The following GRIA2 variants were observed in gnomAD, a reference collection of about 807,000 sequenced individuals.
GRIA2 encodes the protein glutamate ionotropic receptor AMPA type subunit 2.
In GRIA2, 14 loss-of-function variants were observed where a neutral mutation model predicts 97.3. That is an observed-to-expected ratio of 0.14 (90% confidence interval 0.10 to 0.23). The LOEUF is 0.23. Ranked by LOEUF, GRIA2 falls within the 10% of genes least tolerant of loss-of-function variation. GRIA2 has a pLI of 1.00. For synonymous variants in GRIA2, 412 were observed against 387.8 expected (o/e 1.06, Z -0.73); for missense variants, 558 against 1,069.8 (o/e 0.52, Z 6.67).
intron 2 of GRIA2, among the ~76,000 whole-genome samples, chr4:157,294,779 G>A (rs1384728719): frequency 3.9e-5 from 6 of 152,136 alleles, no homozygotes; most frequent in Non-Finnish European, 8.8e-5. Flanking sequence ...TGGTGTCACA[G>A]CAAGGATTAG....
chr4:157,285,325 G>A (rs1302097490), intron 2 of GRIA2, among the ~76,000 whole-genome samples: 1 of 150,874 alleles, frequency 6.6e-6, no homozygotes, highest in East Asian at 1.9e-4. Context: ...CACTTATATT[G>A]GATACAGATA....
intron 2 of GRIA2, among the ~76,000 whole-genome samples, chr4:157,244,701 T>A (rs1243590061): frequency 6.6e-6 from 1 of 152,078 alleles, no homozygotes; most frequent in African/African-American, 2.4e-5. Flanking sequence ...GTTTGTCTCT[T>A]ACTTAGCACT....
intron 2 of GRIA2, among the ~76,000 whole-genome samples, chr4:157,241,905 C>G (rs1579297759): frequency 6.6e-6 from 1 of 152,122 alleles, no homozygotes; most frequent in Non-Finnish European, 1.5e-5. Flanking sequence ...ATGAGCAGAA[C>G]AACTTAGGCA....
Position 157,341,384 on chromosome 4 carries a change from A to G in GRIA2, c.1965A>G (p.Glu655=). The G allele has an allele frequency of 3.7e-6, 6 of 1,612,762 alleles. No individual in the cohort carries two copies. The highest frequency in any genetic ancestry group is 5.1e-6 in the Non-Finnish European group (6 of 1,178,918). ...TAGAGAGGATGGTGTCTCCCATCGAAAGTGCTGAGGATCTTTCTAAGCAAA... is the reference window on the plus strand; with the variant it reads ...TAGAGAGGATGGTGTCTCCCATCGAGAGTGCTGAGGATCTTTCTAAGCAAA... ...LTVERMVSPI[E]SAEDLSKQTE... The change falls in exon 12 of 16, where the codon GAA becomes GAG. Residue 655 remains glutamate (E), a synonymous_variant. Coordinates refer to ENST00000264426, the MANE Select transcript of GRIA2 (RefSeq NM_001083619.3).
chr4:157,295,239 G>C (rs1733291114), intron 2 of GRIA2, among the ~76,000 whole-genome samples: 1 of 152,060 alleles, frequency 6.6e-6, no homozygotes, highest in Admixed American at 6.6e-5. Context: ...ATTTGTTAGA[G>C]AGAAAGAAAA....
intron 2 of GRIA2, among the ~76,000 whole-genome samples, chr4:157,263,446 A>T (rs565066798): frequency 6.6e-6 from 1 of 152,208 alleles, no homozygotes; most frequent in Non-Finnish European, 1.5e-5. Context: ...ATACCAAAAA[A>T]TCCACCTAAA....
intron 14 of GRIA2, chr4:157,362,499 C>T: frequency 1.9e-6 from 1 of 514,056 alleles, no homozygotes; most frequent in Non-Finnish European, 3.8e-6. Context: ...TGGAATATAA[C>T]TATTTATCAA....
Position 157,221,098 on chromosome 4 carries a change from T to C in GRIA2, c.56T>C (p.Ile19Thr). ...VLLSPVLWGL[I>T]FGVSSNSIQI... ...CTTTCTCCTGTTTTATGGGGACTGA[T>C]TTTTGGTGTCTCTTCTAACAGCATA... is the stretch of plus-strand genomic sequence containing the variant. The change falls in exon 1 of 16, where the codon ATT becomes ACT. Residue 19 changes from isoleucine (I) to threonine (T), a missense_variant. Around this residue, in one of 8 missense-constraint regions of GRIA2, gnomAD observed 96 missense variants for 176.6 expected, o/e 0.54. Coordinates refer to ENST00000264426, the MANE Select transcript of GRIA2 (RefSeq NM_001083619.3). 1.3e-6 allele frequency: 2 copies of C among 1,584,838 alleles called. No homozygotes were observed.
chr4:157,285,577 G>A (rs1732801721), intron 2 of GRIA2, among the ~76,000 whole-genome samples: 1 of 151,254 alleles, frequency 6.6e-6, no homozygotes. Context: ...GTGTGTGTGT[G>A]TGTGTGTAAG....
intron 4 of GRIA2, among the ~76,000 whole-genome samples, chr4:157,315,743 G>C (rs765034516): frequency 6.6e-6 from 1 of 152,008 alleles, no homozygotes; most frequent in Non-Finnish European, 1.5e-5. Context: ...GTATCACCAT[G>C]TTGGCCAGGA....
chr4:157,305,023 C>T (rs1313388378), intron 3 of GRIA2, among the ~76,000 whole-genome samples: 3 of 152,030 alleles, frequency 2.0e-5, no homozygotes, highest in African/African-American at 4.8e-5. Context: ...TTTGCTATTC[C>T]CATAGGGAAT....
chr4:157,223,069 A>C (rs759769461), intron 2 of GRIA2, among the ~76,000 whole-genome samples: 1 of 152,194 alleles, frequency 6.6e-6, no homozygotes, highest in African/African-American at 2.4e-5. Context: ...AGCTTGGGGA[A>C]AATTACCACA....
rs199792799 is a variant in GRIA2 at position 157,256,236 on chromosome 4, A to AT, written c.229+34430dup. 1.0e-4 allele frequency among the ~76,000 whole-genome samples: 10 copies of AT among 96,288 alleles called. 1 individual carries two copies. The highest frequency in any genetic ancestry group is 4.9e-4 in the African/African-American group (9 of 18,392). 63.2% of individuals were successfully genotyped at this position (96,288 alleles called of 152,430 possible). ...TTATATATAATATATAATATATAAT[A>AT]TATATATATAATATATAAATTATAT... On this transcript the variant is annotated intron_variant, in intron 2 of 15. Transcript: ENST00000264426.
intron 1 of GRIA2, 63 bp downstream of exon 1, chr4:157,221,193 G>A (rs1232682175): frequency 2.3e-6 from 2 of 866,068 alleles, no homozygotes; most frequent in Non-Finnish European, 4.0e-6. Flanking sequence ...TTTGTTCACA[G>A]TGTACAAATT....
intron 2 of GRIA2, among the ~76,000 whole-genome samples, chr4:157,233,264 G>T (rs1232851583): frequency 6.6e-6 from 1 of 152,052 alleles, no homozygotes; most frequent in African/African-American, 2.4e-5. Context: ...AAAACCTGAG[G>T]TGTTACTCGA....
intron 2 of GRIA2, among the ~76,000 whole-genome samples, chr4:157,223,390 G>T (rs553730159): frequency 3.9e-5 from 6 of 152,248 alleles, no homozygotes; most frequent in Non-Finnish European, 8.8e-5. Context: ...GGGTGTGGGG[G>T]TACAGAACGA....
chr4:157,290,020 T>A (rs1733022362), intron 2 of GRIA2, among the ~76,000 whole-genome samples: 2 of 151,960 alleles, frequency 1.3e-5, no homozygotes, highest in Non-Finnish European at 2.9e-5. Context: ...TATTGGTTAT[T>A]GGGAGCATTA....
At chr4:157,250,115 C>T (rs1416402220) in intron 2 of GRIA2, among the ~76,000 whole-genome samples, 2 of 152,020 alleles carry the variant, frequency 1.3e-5, no homozygotes, top group African/African-American at 4.8e-5. Context: ...AAGAAAATGG[C>T]TCCCTTTTTT....
chr4:157,326,764 T>TG (rs1734819958), intron 6 of GRIA2, among the ~76,000 whole-genome samples: 1 of 152,170 alleles, frequency 6.6e-6, no homozygotes, highest in African/African-American at 2.4e-5. Context: ...AAATCATACT[T>TG]TAGAACTGTG....
Sources: allele counts gnomAD v4.1 joint callset (sites outside exome capture counted in the v4.1 genomes callset), GRCh38; gene constraint gnomAD v4.1.1; regional missense constraint gnomAD v4.1.1; transcripts MANE v1.5; gene names NCBI Gene and HGNC (gene_info 2026-07-23, HGNC 2026-07-21).